The following FAM171A1 variants were observed in gnomAD, a reference collection of about 807,000 sequenced individuals.
FAM171A1 encodes the protein protein FAM171A1.
In FAM171A1, 23 loss-of-function variants were observed where a neutral mutation model predicts 74.9. That is an observed-to-expected ratio of 0.31 (90% confidence interval 0.22 to 0.44). FAM171A1 has a LOEUF of 0.44. Ranked by LOEUF, FAM171A1 falls within the 20% of genes least tolerant of loss-of-function variation. The pLI is 1.00. For missense variants in FAM171A1, 1,162 were observed against 1,159.2 expected, an observed-to-expected ratio of 1.00 and a Z score of -0.03; for synonymous variants, 527 against 505.7, an observed-to-expected ratio of 1.04 and a Z score of -0.57.
At chr10:15,257,683 G>A (rs1834598425) in intron 3 of FAM171A1, among the ~76,000 whole-genome samples, 2 of 152,114 alleles carry the variant, frequency 1.3e-5, no homozygotes, top group Non-Finnish European at 2.9e-5. Flanking sequence ...CCTGGGACTG[G>A]CACGACACGG....
chr10:15,282,711 A>G (rs1477089426), intron 2 of FAM171A1, among the ~76,000 whole-genome samples: 1 of 151,952 alleles, frequency 6.6e-6, no homozygotes, highest in Non-Finnish European at 1.5e-5. Flanking sequence ...CTTTATTTTA[A>G]TTTATTTTAT....
chr10:15,324,736 G>GA (rs369457098), intron 1 of FAM171A1, among the ~76,000 whole-genome samples: 1 of 145,402 alleles, frequency 6.9e-6, no homozygotes, highest in African/African-American at 2.5e-5. Context: ...GAGTGAGGGG[G>GA]AAAAAAAAAA....
chr10:15,369,696 C>T (rs1255661744), intron 1 of FAM171A1, among the ~76,000 whole-genome samples: 1 of 152,224 alleles, frequency 6.6e-6, no homozygotes, highest in African/African-American at 2.4e-5. Context: ...AGCCTTTCCT[C>T]CCCGTAGCAA....
In FAM171A1 at chr10:15,220,948, G is replaced by A. The variant is rs758002530; in HGVS notation, c.867C>T (p.Ile289=). 5.6e-6 allele frequency: 9 copies of A among 1,612,388 alleles called. No individual in the cohort carries two copies. In the South Asian group the frequency reaches 8.8e-5, roughly 16 times the overall value. ...CAAGTGTTGGCTCCGTGTTACCTGG[G>A]ATGGGAGGGGACATGGCGGCCACCC... ...GYWVAAMSPP[I]PGPVVTQDIT... is the part of the protein sequence containing the mutation. Residue 289 remains isoleucine (I), a synonymous_variant, in exon 6 of 8, where the codon ATC becomes ATT. Transcript: ENST00000378116.
chr10:15,294,080 G>A (rs1835133266), intron 1 of FAM171A1, among the ~76,000 whole-genome samples: 1 of 152,228 alleles, frequency 6.6e-6, no homozygotes, highest in Non-Finnish European at 1.5e-5. Flanking sequence ...GTTGGGAGCA[G>A]CAGGGGTGCT....
At chr10:15,328,601 C>A (rs992858621) in intron 1 of FAM171A1, among the ~76,000 whole-genome samples, 1 of 152,206 alleles carries the variant, frequency 6.6e-6, no homozygotes, top group African/African-American at 2.4e-5. Flanking sequence ...AGCTCAAGCT[C>A]GGGTTTTCCT....
intron 1 of FAM171A1, among the ~76,000 whole-genome samples, chr10:15,323,803 T>G (rs1255722662): frequency 4.6e-5 from 7 of 152,026 alleles, no homozygotes; most frequent in Admixed American, 4.6e-4. Flanking sequence ...AACACGGTAT[T>G]AGGATTGCAG....
At chr10:15,311,769 G>GA (rs374929999) in intron 1 of FAM171A1, among the ~76,000 whole-genome samples, 7 of 152,188 alleles carry the variant, frequency 4.6e-5, no homozygotes, top group African/African-American at 1.4e-4. Context: ...TGAGGTCCAG[G>GA]AGAGTAAAGG....
chr10:15,310,270 T>C (rs956870515), intron 1 of FAM171A1, among the ~76,000 whole-genome samples: 1 of 152,206 alleles, frequency 6.6e-6, no homozygotes, highest in African/African-American at 2.4e-5. Context: ...TGGGATAATC[T>C]AGTTTCCAAT....
intron 1 of FAM171A1, among the ~76,000 whole-genome samples, chr10:15,335,391 A>G (rs529367660): frequency 1.4e-4 from 22 of 152,356 alleles, no homozygotes; most frequent in African/African-American, 5.1e-4. Flanking sequence ...AAGAAGAAAT[A>G]TAATTTAATA....
chr10:15,254,204 G>A (rs1221236525), intron 4 of FAM171A1, among the ~76,000 whole-genome samples: 3 of 152,124 alleles, frequency 2.0e-5, no homozygotes, highest in East Asian at 1.9e-4. Flanking sequence ...TCCCCATGCC[G>A]GTGGGGCATG....
chr10:15,233,581 T>C (rs1358556005), intron 5 of FAM171A1, among the ~76,000 whole-genome samples: 2 of 150,894 alleles, frequency 1.3e-5, no homozygotes, highest in African/African-American at 4.9e-5. Flanking sequence ...AAAATAATTT[T>C]AAAGGGGTGA....
At chr10:15,304,717 C>A (rs1373636989) in intron 1 of FAM171A1, among the ~76,000 whole-genome samples, 1 of 151,972 alleles carries the variant, frequency 6.6e-6, no homozygotes, top group Admixed American at 6.6e-5. Flanking sequence ...TTTCTTTTAA[C>A]TTCCCTCCCT....
chr10:15,358,972 G>A lies in FAM171A1; in HGVS notation c.97+11984C>T, dbSNP rs189000462. Reference sequence around the variant, plus strand: ...ATTAATGTGCAAATTTGGGAAAGTCGTTTAACTTCTTTGCACCTCACAGTC... The same window carrying A: ...ATTAATGTGCAAATTTGGGAAAGTCATTTAACTTCTTTGCACCTCACAGTC... On this transcript the variant is annotated intron_variant, in intron 1 of 7. Transcript: ENST00000378116. 1.6e-3 allele frequency among the ~76,000 whole-genome samples: 249 copies of A among 151,892 alleles called. 2 individuals carry two copies. The highest frequency in any genetic ancestry group is 4.5e-3 in the Admixed American group (69 of 15,298).
chr10:15,280,605 A>T (rs188298750), intron 2 of FAM171A1, among the ~76,000 whole-genome samples: 39 of 152,316 alleles, frequency 2.6e-4, no homozygotes, highest in African/African-American at 8.7e-4. Context: ...ACCTCAACAC[A>T]TCCTCCAGGA....
chr10:15,253,591 G>A (rs1369965199), intron 4 of FAM171A1, among the ~76,000 whole-genome samples: 1 of 152,144 alleles, frequency 6.6e-6, no homozygotes, highest in African/African-American at 2.4e-5. Flanking sequence ...GCTACAAAAT[G>A]GATCAAATGT....
At position 15,214,162 on chromosome 10, in the gene FAM171A1, C is replaced by T. The variant is rs772498448; in HGVS notation, c.1426G>A (p.Gly476Ser). 6.2e-7 allele frequency: 1 copy of T among 1,614,068 alleles called. No individual in the cohort carries two copies. Among genetic ancestry groups the T allele is most frequent in the Non-Finnish European group, 8.5e-7 (1 of 1,180,050 alleles). ...TCATCATTGCCCGAGGACTCGTAGC[C>T]TTCTCTTTCCATAGATTTTCTTGCC... ...LKARKSMERE[G>S]YESSGNDDYR... The change falls in exon 8 of 8, where the codon GGC becomes AGC. Residue 476 changes from glycine (G) to serine (S), a missense_variant. Physicochemically the swap from Gly to Ser is moderately conservative, Grantham distance 56 (BLOSUM62 0). Transcript: ENST00000378116.
intron 1 of FAM171A1, among the ~76,000 whole-genome samples, chr10:15,297,478 G>C (rs889600548): frequency 4.6e-5 from 7 of 151,936 alleles, no homozygotes; most frequent in Non-Finnish European, 5.9e-5. Context: ...GATATCTCTG[G>C]GCAAACAATC....
chr10:15,319,839 A>G (rs1835466102), intron 1 of FAM171A1, among the ~76,000 whole-genome samples: 1 of 152,208 alleles, frequency 6.6e-6, no homozygotes, highest in South Asian at 2.1e-4. Flanking sequence ...AAGGGACAGA[A>G]CCCATATAAA....
Sources: gnomAD v4.1 joint callset for allele counts (sites outside exome capture counted in the v4.1 genomes callset) on GRCh38, gnomAD v4.1.1 for gene constraint, MANE v1.5 for transcripts, NCBI Gene and HGNC (gene_info 2026-07-23, HGNC 2026-07-21) for gene names.